TNIP3: variants seen among roughly 807,000 people sequenced by gnomAD.
The protein encoded by TNIP3 is TNFAIP3-interacting protein 3.
In TNIP3, 34 loss-of-function variants were observed where a neutral mutation model predicts 54.1. The ratio of observed to expected loss-of-function variants is 0.63; its 90% CI spans 0.48 to 0.84. The LOEUF is 0.84. Ranked by LOEUF, TNIP3 falls within the 40% of genes least tolerant of loss-of-function variation. The pLI, the probability that TNIP3 is intolerant of heterozygous loss-of-function variation, is 0.00. For missense variants in TNIP3, 366 were observed against 387.6 expected, an observed-to-expected ratio of 0.94 and a Z score of 0.47; for synonymous variants, 134 against 136.8, an observed-to-expected ratio of 0.98 and a Z score of 0.14.
At chr4:121,157,057 T>C in intron 4 of TNIP3, 37 bp downstream of exon 4, 1 of 1,611,774 alleles carries the variant, frequency 6.2e-7, no homozygotes, top group Non-Finnish European at 8.5e-7. Context: ...TGCTTTTATT[T>C]GGATCCTCCG....
intron 2 of TNIP3, among the ~76,000 whole-genome samples, chr4:121,212,254 A>G (rs1560695950): frequency 6.6e-6 from 1 of 152,190 alleles, no homozygotes; most frequent in Non-Finnish European, 1.5e-5. Flanking sequence ...CGTTGTTTGC[A>G]TGGAAGAGGC....
upstream of TNIP3, among the ~76,000 whole-genome samples, chr4:121,220,983 A>G (rs1251603916): frequency 6.6e-6 from 1 of 152,166 alleles, no homozygotes; most frequent in Admixed American, 6.5e-5. Flanking sequence ...TATCCTCCCC[A>G]AAGGTATTAA....
At chr4:121,216,761 G>C (rs976716825), upstream of TNIP3, 7 of 597,738 alleles carry the variant, frequency 1.2e-5, no homozygotes, top group African/African-American at 1.1e-4. Flanking sequence ...ATGACAGGGA[G>C]AAATTGTCCA....
intron 9 of TNIP3, among the ~76,000 whole-genome samples, chr4:121,140,957 C>T (rs1338164235): frequency 6.6e-6 from 1 of 152,086 alleles, no homozygotes; most frequent in Admixed American, 6.6e-5. Flanking sequence ...GAGTCACACT[C>T]GAACAAAAGT....
intron 2 of TNIP3, among the ~76,000 whole-genome samples, chr4:121,197,478 G>T (rs1481799812): frequency 6.8e-6 from 1 of 148,012 alleles, no homozygotes. Flanking sequence ...ATTGCAGTAA[G>T]CCGAGATCAG....
chr4:121,218,153 A>C (rs941866950), upstream of TNIP3, among the ~76,000 whole-genome samples: 1 of 152,198 alleles, frequency 6.6e-6, no homozygotes, highest in Non-Finnish European at 1.5e-5. Context: ...CTAACCTACA[A>C]AATTTTTACA....
At chr4:121,222,824 G>A (rs1203367497) in intron 1 of TNIP3, among the ~76,000 whole-genome samples, 2 of 22,842 alleles carry the variant, frequency 8.8e-5, no homozygotes, top group African/African-American at 1.9e-4. Flanking sequence ...TTTTTTTTTT[G>A]AGACGGAGTC....
chr4:121,154,455 C>CT, intron 5 of TNIP3, 96 bp downstream of exon 5: 3 of 1,463,278 alleles, frequency 2.1e-6, no homozygotes, highest in Non-Finnish European at 2.8e-6. Flanking sequence ...AAGGCTGGGA[C>CT]CCACACTGCA....
At chr4:121,162,017 C>A (rs1274692071) in intron 1 of TNIP3, among the ~76,000 whole-genome samples, 1 of 152,108 alleles carries the variant, frequency 6.6e-6, no homozygotes, top group African/African-American at 2.4e-5. Context: ...ATAAGTAATA[C>A]AATTTATTGG....
intron 6 of TNIP3, among the ~76,000 whole-genome samples, chr4:121,148,565 A>G (rs564260063): frequency 6.6e-6 from 1 of 152,316 alleles, no homozygotes; most frequent in South Asian, 2.1e-4. Flanking sequence ...AGGGGTTGAG[A>G]GTTTGACAGA....
At chr4:121,208,418 A>G (rs1027070502) in intron 2 of TNIP3, among the ~76,000 whole-genome samples, 2 of 152,116 alleles carry the variant, frequency 1.3e-5, no homozygotes, top group Non-Finnish European at 1.5e-5. Flanking sequence ...TGTGGCCCCC[A>G]CCCAGGAACT....
rs1271500381 is a variant in TNIP3, at chr4:121,183,091, C to T, written c.69-295G>A. Reference sequence around the variant, plus strand: ...ACTCACGGTGAGCCAGGTTCTTTCACGCATTTTCTTATTCAATGTGCACAG... The same window carrying T: ...ACTCACGGTGAGCCAGGTTCTTTCATGCATTTTCTTATTCAATGTGCACAG... On this transcript the variant is annotated intron_variant, in intron 2 of 12. Coordinates refer to the TNIP3 transcript ENST00000507879. Among the ~76,000 whole-genome samples the T allele has an allele frequency of 4.6e-5, 7 of 152,282 alleles. No individual in the cohort carries two copies. The South Asian group carries it at 1.0e-3, about 23-fold the overall frequency.
At chr4:121,138,337 A>G (rs576132290) in intron 10 of TNIP3, among the ~76,000 whole-genome samples, 1 of 152,368 alleles carries the variant, frequency 6.6e-6, no homozygotes, top group African/African-American at 2.4e-5. Context: ...GTTATAATAC[A>G]GCTCTGCTTA....
chr4:121,197,734 G>A (rs180739761), intron 2 of TNIP3, among the ~76,000 whole-genome samples: 63 of 152,156 alleles, frequency 4.1e-4, no homozygotes, highest in Non-Finnish European at 8.2e-4. Flanking sequence ...AGCAATTTGG[G>A]GGCAAATTTA....
chr4:121,149,984 A>T, intron 6 of TNIP3, 119 bp downstream of exon 6: 1 of 660,372 alleles, frequency 1.5e-6, no homozygotes, highest in Non-Finnish European at 2.7e-6. Context: ...AATTCTACTT[A>T]AAATAAATGC....
intron 2 of TNIP3, among the ~76,000 whole-genome samples, chr4:121,191,089 TTTG>T (rs758806764): frequency 3.3e-5 from 5 of 152,190 alleles, no homozygotes; most frequent in South Asian, 4.1e-4. Context: ...TGTTTTTGTT[TTTG>T]TTGTTGTTGT....
intron 5 of TNIP3, among the ~76,000 whole-genome samples, chr4:121,151,601 T>C (rs1729763143): frequency 6.6e-6 from 1 of 152,156 alleles, no homozygotes; most frequent in Admixed American, 6.5e-5. Context: ...CAATTTTTTT[T>C]TTTCAATTGG....
upstream of TNIP3, among the ~76,000 whole-genome samples, chr4:121,221,212 TTA>T (rs1264222204): frequency 2.0e-5 from 3 of 152,142 alleles, no homozygotes; most frequent in African/African-American, 7.2e-5. Flanking sequence ...AAAACCTTGG[TTA>T]TGTTTTTCTA....
At chr4:121,169,783 T>C (rs779621172) in intron 3 of TNIP3, among the ~76,000 whole-genome samples, 2 of 152,234 alleles carry the variant, frequency 1.3e-5, no homozygotes, top group Non-Finnish European at 2.9e-5. Flanking sequence ...AATCGGGGAA[T>C]GGGGTGTCAC....
Sources: allele counts gnomAD v4.1 joint callset (sites outside exome capture counted in the v4.1 genomes callset), GRCh38; gene constraint gnomAD v4.1.1; transcripts MANE v1.5; gene names NCBI Gene and HGNC (gene_info 2026-07-23, HGNC 2026-07-21).